FABP9: variants seen among roughly 807,000 people sequenced by gnomAD.
FABP9 encodes fatty acid binding protein 9, also known as fatty acid-binding protein 9.
Under a neutral mutation model 14.7 loss-of-function variants are expected in FABP9, and 11 were observed. The observed-to-expected ratio is 0.75, with a 90% confidence interval of 0.47 to 1.24. FABP9 has a LOEUF of 1.24. FABP9 is among the 50% of genes most tolerant of loss of function. The probability of loss-of-function intolerance (pLI) is 0.00; values close to 1 mark genes in which losing one functional copy is unlikely to be tolerated. For synonymous variants in FABP9, 54 were observed against 50.6 expected, an observed-to-expected ratio of 1.07 and a Z score of -0.29; for missense variants, 171 against 158.2, an observed-to-expected ratio of 1.08 and a Z score of -0.44.
intron 3 of FABP9, 47 bp from the exon 4 acceptor site, chr8:81,458,480 A>C: frequency 6.5e-7 from 1 of 1,543,844 alleles, no homozygotes; most frequent in Non-Finnish European, 9.0e-7. Flanking sequence ...AACAGGCTAA[A>C]CTTGCCCTGC....
Position 81,458,667 on chromosome 8 carries a change from C to T in FABP9, c.283G>A (p.Val95Ile), listed in dbSNP as rs149666583. 59 of 1,613,710 alleles carry T rather than the reference C, an allele frequency of 3.7e-5. No homozygotes were observed. The highest frequency in any genetic ancestry group is 9.3e-5 in the African/African-American group (7 of 75,016). The part of the protein sequence containing the change: ...ITLENGSMIH[V>I]QKWLGKETTI... ...GTCTCTTTGCCAAGCCATTTTTGGA[C>T]GTGAATCATTGAGCCATTCTCTAAT... The change falls in exon 3 of 4, where the codon GTC (valine) becomes ATC (isoleucine). Residue 95 changes from valine to isoleucine, a missense_variant. Coordinates refer to ENST00000379071, the MANE Select transcript of FABP9 (RefSeq NM_001080526.2).
intron 2 of FABP9, among the ~76,000 whole-genome samples, 163 bp from the exon 3 acceptor site, chr8:81,458,866 T>C (rs938800836): frequency 1.3e-5 from 2 of 152,218 alleles, no homozygotes; most frequent in African/African-American, 4.8e-5. Context: ...AAGAGATTAT[T>C]CAATTAGTGC....
In FABP9 at chr8:81,458,279, A is replaced by T. The variant is rs1807625564; in HGVS notation, c.*104T>A. 5.7e-6 allele frequency: 5 copies of T among 880,880 alleles called. No homozygotes were observed. In the Admixed American group the frequency reaches 6.2e-5, roughly 11 times the overall value. The allele number at this position is 880,880 out of a possible 1,614,324, so 54.6% of individuals were successfully genotyped here. ...TTAATTTGATGCTTTTATTAAGCAA[A>T]TTTATATTGAGACATTTTTTAAAAA... On this transcript the variant is annotated 3_prime_UTR_variant, in exon 4 of 4. Coordinates refer to ENST00000379071, the MANE Select transcript of FABP9 (RefSeq NM_001080526.2).
In FABP9 at chr8:81,458,693, G is replaced by T; in HGVS notation, c.257C>A (p.Thr86Lys). The T allele has an allele frequency of 6.2e-7, 1 of 1,612,380 alleles. No individual in the cohort carries two copies. The highest frequency in any genetic ancestry group is 8.5e-7 in the Non-Finnish European group (1 of 1,178,774). ...GTGAATCATTGAGCCATTCTCTAAT[G>T]TTATGGTGCTCTATAAATGCATAAA... ...ADNRKVKSTI[T>K]LENGSMIHVQ... The change falls in exon 3 of 4, where the codon ACA (threonine) becomes AAA (lysine). Residue 86 changes from threonine (T) to lysine (K), a missense_variant. Coordinates refer to ENST00000379071, the MANE Select transcript of FABP9 (RefSeq NM_001080526.2).
intron 2 of FABP9, 134 bp from the exon 3 acceptor site, chr8:81,458,837 C>T: frequency 3.0e-6 from 2 of 663,030 alleles, no homozygotes; most frequent in Non-Finnish European, 5.0e-6. Flanking sequence ...TGATGTAGTA[C>T]TATCAAACTA....
At chr8:81,458,539 AAT>A in intron 3 of FABP9, 61 bp downstream of exon 3, 3 of 1,498,012 alleles carry the variant, frequency 2.0e-6, no homozygotes, top group South Asian at 1.1e-5. Flanking sequence ...AAAACAATTG[AAT>A]AACTTGAAAG....
rs1807625372 is a variant in FABP9 at position 81,458,264 on chromosome 8, GC to G, written c.*118del. ...GCTTCAAAACTGCACTTAATTTGAT[GC>G]TTTTATTAAGCAAATTTATATTGAG... is the stretch of plus-strand genomic sequence containing the variant. On this transcript the variant is annotated 3_prime_UTR_variant, in exon 4 of 4. Coordinates refer to ENST00000379071, the MANE Select transcript of FABP9 (RefSeq NM_001080526.2). 2.6e-6 allele frequency: 2 copies of G among 755,834 alleles called. No individual in the cohort carries two copies. Among genetic ancestry groups the G allele is most frequent in the African/African-American group, 3.5e-5 (2 of 56,944 alleles). The allele number at this position is 755,834 out of a possible 1,614,324, so 46.8% of individuals were successfully genotyped here.
chr8:81,458,472 C>T (rs1807629013), intron 3 of FABP9, 39 bp from the exon 4 acceptor site: 2 of 1,563,326 alleles, frequency 1.3e-6, no homozygotes, highest in Non-Finnish European at 1.8e-6. Flanking sequence ...TGGTAGATAA[C>T]AGGCTAAACT....
At chr8:81,459,694 G>T (rs1807658741) in intron 1 of FABP9, among the ~76,000 whole-genome samples, 1 of 152,110 alleles carries the variant, frequency 6.6e-6, no homozygotes, top group African/African-American at 2.4e-5. Flanking sequence ...GGTTTGGTTG[G>T]GAATTTCCCA....
chr8:81,459,069 G>T, intron 2 of FABP9, 96 bp downstream of exon 2: 1 of 1,119,186 alleles, frequency 8.9e-7, no homozygotes, highest in Non-Finnish European at 1.3e-6. Context: ...AACAAGCCCA[G>T]ACAGACTTGG....
chr8:81,459,607 T>A (rs1393448983), intron 1 of FABP9, among the ~76,000 whole-genome samples: 2 of 152,216 alleles, frequency 1.3e-5, no homozygotes, highest in Admixed American at 1.3e-4. Flanking sequence ...AGAGATCAAA[T>A]GCTTGCACTT....
chr8:81,461,365 T>C, intron 1 of FABP9, 86 bp downstream of exon 1: 2 of 917,018 alleles, frequency 2.2e-6, no homozygotes, highest in African/African-American at 1.6e-5. Flanking sequence ...AGGAAGATAA[T>C]TGTAGGAAAA....
chr8:81,460,451 AC>A (rs141632181), intron 1 of FABP9, among the ~76,000 whole-genome samples: 2 of 151,752 alleles, frequency 1.3e-5, no homozygotes, highest in African/African-American at 4.8e-5. Context: ...TTTTTTATAT[AC>A]CCCCCCAATT....
In FABP9 at chr8:81,458,363, T is replaced by C; in HGVS notation, c.*20A>G. On this transcript the variant is annotated 3_prime_UTR_variant, in exon 4 of 4. Coordinates refer to ENST00000379071, the MANE Select transcript of FABP9 (RefSeq NM_001080526.2). ...CAGTTCCTTGTCAGTGAACAAGTTT[T>C]CATTGCTGTGGACCTTTCTTCACAC... is the stretch of plus-strand genomic sequence containing the variant. The C allele has an allele frequency of 6.3e-7, 1 of 1,595,116 alleles. No homozygotes were observed. The highest frequency in any genetic ancestry group is 8.6e-7 in the Non-Finnish European group (1 of 1,163,022).
chr8:81,461,484 T>G lies in FABP9; in HGVS notation c.40A>C (p.Ser14Arg). ...TTCATGTAATCCTCAAAGTTTTCAC[T>G]GGAGACCAGCTTCCAGGTTCCCAAG... is the stretch of plus-strand genomic sequence containing the variant. The part of the protein sequence containing the change: ...PFLGTWKLVS[S>R]ENFEDYMKEL... The change falls in exon 1 of 4, where the codon AGT becomes CGT. Residue 14 changes from serine to arginine, a missense_variant. By Grantham distance (110) the Ser-to-Arg change is moderately radical. Transcript: ENST00000379071. 6.2e-7 allele frequency: 1 copy of G among 1,613,846 alleles called. No individual in the cohort carries two copies. The highest frequency in any genetic ancestry group is 8.5e-7 in the Non-Finnish European group (1 of 1,179,754).
At chr8:81,458,509 A>C in intron 3 of FABP9, 76 bp from the exon 4 acceptor site, 3 of 1,486,832 alleles carry the variant, frequency 2.0e-6, no homozygotes, top group Admixed American at 3.4e-5. Flanking sequence ...CCTCAGACCA[A>C]ACCCTTAATT....
chr8:81,461,356 G>T (rs984486000), intron 1 of FABP9, 95 bp downstream of exon 1: 1 of 890,206 alleles, frequency 1.1e-6, no homozygotes. Flanking sequence ...GATCACAAAA[G>T]GAAGATAATT....
rs565252508 is a variant in FABP9, at chr8:81,460,994, G to A, written c.73+457C>T. Among the ~76,000 whole-genome samples, 3 of 152,262 alleles carry A rather than the reference G, an allele frequency of 2.0e-5. No homozygotes were observed. In the South Asian group the frequency reaches 6.2e-4, roughly 32 times the overall value. On this transcript the variant is annotated intron_variant, in intron 1 of 3. Transcript: ENST00000379071. ...TTTATAAAATATCTCTCACATTTAT[G>A]AGAACTCTAAAAATTAACCAACTAG...
intron 3 of FABP9, 52 bp downstream of exon 3, chr8:81,458,550 A>G: frequency 6.7e-7 from 1 of 1,499,382 alleles, no homozygotes. Flanking sequence ...ATAACTTGAA[A>G]GGCATGTATC....
Sources: gnomAD v4.1 joint callset for allele counts (sites outside exome capture counted in the v4.1 genomes callset) on GRCh38, gnomAD v4.1.1 for gene constraint, MANE v1.5 for transcripts, NCBI Gene and HGNC (gene_info 2026-07-23, HGNC 2026-07-21) for gene names.